The following ZCCHC14 variants were observed in gnomAD, a reference collection of about 807,000 sequenced individuals.
ZCCHC14 encodes the protein zinc finger CCHC-type containing 14.
Under a neutral mutation model 85.0 loss-of-function variants are expected in ZCCHC14, and 16 were observed. That is an observed-to-expected ratio of 0.19 (90% CI 0.13 to 0.29). ZCCHC14 has a LOEUF of 0.29. ZCCHC14 is among the 10% of genes least tolerant of loss of function. The pLI is 1.00. For synonymous variants in ZCCHC14, 775 were observed against 630.7 expected (o/e 1.23, Z -3.43); for missense variants, 1,303 against 1,443.5 (o/e 0.90, Z 1.58).
chr16:87,412,789 G>A lies in ZCCHC14; in HGVS notation c.1932C>T (p.Ile644=), dbSNP rs139343680. 2 of 1,613,346 alleles carry A rather than the reference G, an allele frequency of 1.2e-6. No homozygotes were observed. The highest frequency in any genetic ancestry group is 2.7e-5 in the African/African-American group (2 of 74,920). ...GCTTGTGCACGGAATTCAGCATGCG[G>A]ATGGGTGTGATGTGTGAGGCTGCGC... ...MLSAASHITP[I]RMLNSVHKPE... The change falls in exon 12 of 13, where the codon ATC becomes ATT. Residue 644 remains isoleucine, a synonymous_variant. Transcript: ENST00000671377.
In ZCCHC14 at chr16:87,410,259, T is replaced by C. The variant is rs747849470; in HGVS notation, c.*21A>G. On this transcript the variant is annotated 3_prime_UTR_variant, in exon 13 of 13. Transcript: ENST00000671377. ...CTTATGTCTCCATGGCTTAATAACG[T>C]TCTGTTGCCAGAGAAAAATATCAAT... 1 of 763,138 alleles carries C rather than the reference T, an allele frequency of 1.3e-6. No homozygotes were observed. The highest frequency in any genetic ancestry group is 1.4e-5 in the South Asian group (1 of 71,114). 47.3% of individuals were successfully genotyped at this position (763,138 alleles called of 1,614,324 possible). A position where few individuals can be genotyped will look rare whatever the true frequency, so the allele number is the denominator to read the frequency against.
chr16:87,429,614 C>CT (rs901704266), intron 3 of ZCCHC14, among the ~76,000 whole-genome samples: 3 of 151,626 alleles, frequency 2.0e-5, no homozygotes, highest in Non-Finnish European at 2.9e-5. Flanking sequence ...GACACTATCT[C>CT]TTTTTTTTTC....
At chr16:87,415,586 T>C (rs770329831) in intron 8 of ZCCHC14, among the ~76,000 whole-genome samples, 36 of 151,842 alleles carry the variant, frequency 2.4e-4, no homozygotes, top group Non-Finnish European at 3.7e-4. Flanking sequence ...TGAGCAAGAG[T>C]GTCCCCGGCT....
chr16:87,426,065 G>C (rs1409076525), intron 3 of ZCCHC14, among the ~76,000 whole-genome samples: 4 of 152,214 alleles, frequency 2.6e-5, no homozygotes, highest in Non-Finnish European at 1.5e-5. Flanking sequence ...AAGGCTATCA[G>C]AAAGTGAGCA....
chr16:87,425,507 G>A (rs1022715462), intron 3 of ZCCHC14, among the ~76,000 whole-genome samples: 2 of 151,902 alleles, frequency 1.3e-5, no homozygotes, highest in African/African-American at 4.8e-5. Context: ...ACCCGGGAGG[G>A]GGAGGCTGCA....
chr16:87,468,340 T>C (rs1273305115), intron 1 of ZCCHC14, among the ~76,000 whole-genome samples: 1 of 152,174 alleles, frequency 6.6e-6, no homozygotes, highest in African/African-American at 2.4e-5. Context: ...TTAAGAGATA[T>C]CTTAAGGAAA....
At chr16:87,466,090 A>C in intron 1 of ZCCHC14, among the ~76,000 whole-genome samples, 1 of 142,658 alleles carries the variant, frequency 7.0e-6, no homozygotes, top group Non-Finnish European at 1.5e-5. Flanking sequence ...GCAGGTTGTG[A>C]CCCCCGCTAA....
At chr16:87,419,067 C>T (rs561689829) in intron 6 of ZCCHC14, among the ~76,000 whole-genome samples, 166 bp from the exon 7 acceptor site, 148 of 152,214 alleles carry the variant, frequency 9.7e-4, no homozygotes, top group Non-Finnish European at 2.2e-4. Context: ...AGTGATTCTC[C>T]TGCCTCAGCC....
At chr16:87,419,464 C>T (rs1212654607) in intron 6 of ZCCHC14, among the ~76,000 whole-genome samples, 1 of 152,230 alleles carries the variant, frequency 6.6e-6, no homozygotes, top group African/African-American at 2.4e-5. Flanking sequence ...CCACGCCTGG[C>T]TAATTTTTTT....
At chr16:87,433,063 T>A (rs1909741600) in intron 3 of ZCCHC14, 65 bp downstream of exon 3, 1 of 1,523,044 alleles carries the variant, frequency 6.6e-7, no homozygotes, top group Admixed American at 1.7e-5. Flanking sequence ...AGGAAAAGCA[T>A]CTCCAGGGTA....
chr16:87,424,273 C>A (rs1909253918), intron 3 of ZCCHC14, among the ~76,000 whole-genome samples: 2 of 152,060 alleles, frequency 1.3e-5, no homozygotes, highest in South Asian at 4.2e-4. Context: ...AGAGAGCAGC[C>A]CTTCGACCAC....
rs1478959055 is a variant in ZCCHC14, at chr16:87,409,404, C to G, written c.*876G>C. On this transcript the variant is annotated 3_prime_UTR_variant, in exon 13 of 13. Transcript: ENST00000671377. ...TCACAGAGCCGCGCTGTCGCCGTCC[C>G]CCCTCGAGAGGTCATTTGTAGTGGA... 6.6e-6 allele frequency: 1 copy of G among 152,214 alleles called. No homozygotes were observed. Among genetic ancestry groups the G allele is most frequent in the Non-Finnish European group, 1.5e-5 (1 of 68,042 alleles). The allele number at this position is 152,214 out of a possible 1,614,324, so 9.4% of individuals were successfully genotyped here.
intron 2 of ZCCHC14, among the ~76,000 whole-genome samples, chr16:87,434,705 G>T (rs572915460): frequency 5.3e-4 from 81 of 152,244 alleles, no homozygotes; most frequent in African/African-American, 1.9e-3. Context: ...AAAGTTTTTT[G>T]GGGTGGTTGG....
At position 87,420,181 on chromosome 16, in the gene ZCCHC14, G is replaced by C. The variant is rs1909018721; in HGVS notation, c.951-304C>G. On this transcript the variant is annotated intron_variant, in intron 5 of 12. Coordinates refer to ENST00000671377, the MANE Select transcript of ZCCHC14 (RefSeq NM_015144.3). This position sits in a 1 kb window ranked among gnomAD's most constrained non-coding sequence, Gnocchi z 5.0. ...AAAGGTGCTTGGACACTGGTCCCCA[G>C]GGCCCCGGCAGCAGCACATTTACGG... 6.6e-6 allele frequency among the ~76,000 whole-genome samples: 1 copy of C among 152,226 alleles called. No individual in the cohort carries two copies. Among genetic ancestry groups the C allele is most frequent in the Admixed American group, 6.5e-5 (1 of 15,284 alleles).
At chr16:87,415,163 A>G (rs1021147843) in intron 9 of ZCCHC14, 113 bp downstream of exon 9, 1 of 787,964 alleles carries the variant, frequency 1.3e-6, no homozygotes, top group Non-Finnish European at 2.2e-6. Flanking sequence ...AGGACTGGAT[A>G]AGCAACAGGA....
chr16:87,421,242 A>C (rs1909080237), intron 4 of ZCCHC14, among the ~76,000 whole-genome samples: 1 of 152,172 alleles, frequency 6.6e-6, no homozygotes. Context: ...GCCTAGTGCA[A>C]TTCCCGGGAC....
At position 87,440,685 on chromosome 16, in the gene ZCCHC14, C is replaced by T. The variant is rs1175253976; in HGVS notation, c.695-7484G>A. ...GCAGTGGTGTGATCTTGGCTCACTG[C>T]AGCCTCGACCTCCTGGGTCCAAGTG... On this transcript the variant is annotated intron_variant, in intron 2 of 12. Transcript: ENST00000671377. 2.0e-5 allele frequency among the ~76,000 whole-genome samples: 3 copies of T among 151,722 alleles called. 1 individual carries two copies. Among genetic ancestry groups the T allele is most frequent in the South Asian group, 4.2e-4 (2 of 4,804 alleles).
At chr16:87,453,480 T>A (rs1444183739) in intron 2 of ZCCHC14, among the ~76,000 whole-genome samples, 2 of 152,146 alleles carry the variant, frequency 1.3e-5, no homozygotes, top group African/African-American at 4.8e-5. Context: ...GAAGAGGGGA[T>A]AGGGCTGGGA....
chr16:87,416,316 G>A (rs1400745682), intron 8 of ZCCHC14, among the ~76,000 whole-genome samples: 5 of 152,202 alleles, frequency 3.3e-5, no homozygotes, highest in African/African-American at 1.2e-4. Context: ...CCATTGTGTA[G>A]GCTGGTGCTA....
Sources: gnomAD v4.1 joint callset for allele counts (sites outside exome capture counted in the v4.1 genomes callset) on GRCh38, gnomAD v4.1.1 for gene constraint, Gnocchi (gnomAD v3.1) non-coding constraint, MANE v1.5 for transcripts, NCBI Gene and HGNC (gene_info 2026-07-23, HGNC 2026-07-21) for gene names.